Variants in HECW1 observed in about 807,000 individuals in gnomAD.
HECW1 encodes HECT, C2 and WW domain containing E3 ubiquitin protein ligase 1, also known as E3 ubiquitin-protein ligase HECW1.
A neutral mutation model predicts 182.3 loss-of-function variants in HECW1; 61 were observed. The observed-to-expected ratio is 0.33, with a 90% CI of 0.27 to 0.41. The LOEUF is 0.41. Among genes scored for constraint, HECW1 ranks in the 10% least tolerant of loss-of-function variants. The pLI is 1.00. For missense variants in HECW1, 1,739 were observed against 2,108.9 expected (o/e 0.82, Z 3.44); for synonymous variants, 859 against 832.6 (o/e 1.03, Z -0.55).
intron 7 of HECW1, among the ~76,000 whole-genome samples, chr7:43,401,435 AAAC>A (rs1404773309): frequency 1.3e-5 from 2 of 152,192 alleles, no homozygotes. Context: ...AACTGAACAG[AAAC>A]AGTAATAGAA....
intron 8 of HECW1, among the ~76,000 whole-genome samples, chr7:43,415,280 A>T: frequency 2.1e-5 from 3 of 143,744 alleles, no homozygotes; most frequent in East Asian, 2.0e-4. Context: ...TTTCTCCTTC[A>T]CTTATGAAGC....
intron 2 of HECW1, among the ~76,000 whole-genome samples, chr7:43,196,479 C>T (rs1197071985): frequency 6.6e-6 from 1 of 152,200 alleles, no homozygotes; most frequent in African/African-American, 2.4e-5. Context: ...TGATGACAAA[C>T]AGCCAGCACC....
At chr7:43,429,777 G>A (rs144413872) in intron 8 of HECW1, among the ~76,000 whole-genome samples, 35 of 152,258 alleles carry the variant, frequency 2.3e-4, no homozygotes, top group African/African-American at 8.2e-4. Context: ...ATTTCCATTA[G>A]TAATAAATAA....
At chr7:43,198,836 C>T (rs1481041319) in intron 2 of HECW1, among the ~76,000 whole-genome samples, 1 of 152,184 alleles carries the variant, frequency 6.6e-6, no homozygotes, top group Non-Finnish European at 1.5e-5. Flanking sequence ...CCTGAGATCC[C>T]TTTGGGCTGG....
chr7:43,370,130 A>G (rs961500581), intron 6 of HECW1, among the ~76,000 whole-genome samples: 2 of 152,252 alleles, frequency 1.3e-5, no homozygotes, highest in Admixed American at 6.5e-5. Flanking sequence ...AGTATTCACA[A>G]TGTACCAAGA....
At chr7:43,451,718 C>G (rs1371097875) in intron 12 of HECW1, among the ~76,000 whole-genome samples, 1 of 152,142 alleles carries the variant, frequency 6.6e-6, no homozygotes, top group Non-Finnish European at 1.5e-5. Flanking sequence ...GAAATTGATA[C>G]CCCAGACATT....
At chr7:43,544,505 C>T (rs1039938279) in intron 26 of HECW1, among the ~76,000 whole-genome samples, 1 of 152,114 alleles carries the variant, frequency 6.6e-6, no homozygotes, top group African/African-American at 2.4e-5. Context: ...CCTTCTTGTC[C>T]ATTGTAGGTG....
At chr7:43,465,997 G>GA (rs1320373488) in intron 14 of HECW1, among the ~76,000 whole-genome samples, 1 of 107,324 alleles carries the variant, frequency 9.3e-6, no homozygotes, top group Non-Finnish European at 1.8e-5. Flanking sequence ...AGGAAGGAAG[G>GA]AAGGGGGGAG....
At position 43,563,864 on chromosome 7, in the gene HECW1, A is replaced by G. The variant is rs1034933266; in HGVS notation, c.*1938A>G. On this transcript the variant is annotated 3_prime_UTR_variant, in exon 30 of 30. Coordinates refer to ENST00000395891, the MANE Select transcript of HECW1 (RefSeq NM_015052.5). The stretch of plus-strand genomic sequence containing the variant: ...AGCCTGGATGATCAAGGGAGACACC[A>G]TCTAAAAAAAAAATAAATAAAAATA... 5.9e-6 allele frequency: 1 copy of G among 169,004 alleles called. No individual in the cohort carries two copies. Among genetic ancestry groups the G allele is most frequent in the African/African-American group, 2.7e-5 (1 of 36,474 alleles). 10.5% of individuals were successfully genotyped at this position (169,004 alleles called of 1,614,324 possible). A position where few individuals can be genotyped will look rare whatever the true frequency, so the allele number is the denominator to read the frequency against.
intron 2 of HECW1, among the ~76,000 whole-genome samples, chr7:43,229,953 C>G (rs1797744917): frequency 6.6e-6 from 1 of 152,216 alleles, no homozygotes; most frequent in Admixed American, 6.5e-5. Flanking sequence ...TTGCACCAGC[C>G]TAATACCTCC....
At chr7:43,187,409 C>G (rs1365763871) in intron 2 of HECW1, among the ~76,000 whole-genome samples, 1 of 152,134 alleles carries the variant, frequency 6.6e-6, no homozygotes, top group African/African-American at 2.4e-5. Context: ...CCACCACATA[C>G]CATAATTTTG....
intron 5 of HECW1, among the ~76,000 whole-genome samples, chr7:43,350,242 T>G (rs1033104568): frequency 1.3e-5 from 2 of 152,246 alleles, no homozygotes; most frequent in Non-Finnish European, 2.9e-5. Context: ...GCTGTCAATC[T>G]GATACGTTTT....
At chr7:43,474,245 C>T (rs7795449) in intron 16 of HECW1, among the ~76,000 whole-genome samples, 5 of 152,152 alleles carry the variant, frequency 3.3e-5, no homozygotes, top group South Asian at 2.1e-4. Context: ...GTCAGCAGAT[C>T]GAGACCACCC....
At chr7:43,435,961 G>A (rs967855767) in intron 8 of HECW1, among the ~76,000 whole-genome samples, 2 of 152,226 alleles carry the variant, frequency 1.3e-5, no homozygotes, top group Non-Finnish European at 2.9e-5. Flanking sequence ...TCAGGAGATG[G>A]AGACCATCCT....
chr7:43,205,120 A>G (rs895757360), intron 2 of HECW1, among the ~76,000 whole-genome samples: 13 of 151,820 alleles, frequency 8.6e-5, no homozygotes, highest in Non-Finnish European at 1.2e-4. Flanking sequence ...GTCTCGCACT[A>G]TTGCCCGGGC....
At chr7:43,523,084 A>ACCT (rs2152940312) in intron 24 of HECW1, 1 of 423,492 alleles carries the variant, frequency 2.4e-6, no homozygotes, top group East Asian at 8.0e-5. Flanking sequence ...GCTCACTGCA[A>ACCT]CCTCCTCCTC....
At chr7:43,461,010 G>A (rs2077564091) in intron 13 of HECW1, among the ~76,000 whole-genome samples, 1 of 152,222 alleles carries the variant, frequency 6.6e-6, no homozygotes, top group Admixed American at 6.5e-5. Context: ...TGCATATTGG[G>A]AAGGAAAGGA....
intron 6 of HECW1, 73 bp downstream of exon 6, chr7:43,361,053 C>CGTGT: frequency 1.2e-6 from 1 of 810,924 alleles, no homozygotes; most frequent in Non-Finnish European, 1.9e-6. Flanking sequence ...TGTTCTTGTG[C>CGTGT]GTGCGTGTGT....
In HECW1 at chr7:43,237,140, A is replaced by AGTAGGTAG. The variant is rs71008898; in HGVS notation, c.-31-6691_-31-6684dup. Reference sequence around the variant, plus strand: ...AAAAAAAGAAGGAAGGAAGGAAGGAAGTAGGTAGGTAGGTAGGTAGGTAGG... The same window carrying AGTAGGTAG: ...AAAAAAAGAAGGAAGGAAGGAAGGAAGTAGGTAGGTAGGTAGGTAGGTAGGTAGGTAGG... On this transcript the variant is annotated intron_variant, in intron 2 of 29. Coordinates refer to ENST00000395891, the MANE Select transcript of HECW1 (RefSeq NM_015052.5). Among the ~76,000 whole-genome samples the AGTAGGTAG allele has an allele frequency of 1.8e-3, 236 of 133,968 alleles. 2 individuals are homozygous for AGTAGGTAG. The highest frequency in any genetic ancestry group is 5.0e-3 in the South Asian group (20 of 3,962). 87.9% of individuals were successfully genotyped at this position (133,968 alleles called of 152,430 possible). A position where few individuals can be genotyped will look rare whatever the true frequency, so the allele number is the denominator to read the frequency against.
Sources: gnomAD v4.1 joint callset for allele counts (sites outside exome capture counted in the v4.1 genomes callset) on GRCh38, gnomAD v4.1.1 for gene constraint, MANE v1.5 for transcripts, NCBI Gene and HGNC (gene_info 2026-07-23, HGNC 2026-07-21) for gene names.